TTC23L: variants seen among roughly 807,000 people sequenced by gnomAD.
TTC23L encodes tetratricopeptide repeat domain 23 like, also known as tetratricopeptide repeat protein 23-like.
In TTC23L, 42 loss-of-function variants were observed where a neutral mutation model predicts 48.1. The ratio of observed to expected loss-of-function variants is 0.87; its 90% CI spans 0.68 to 1.13. The LOEUF is 1.13. TTC23L is among the 50% of genes most tolerant of loss of function. The probability of loss-of-function intolerance (pLI) is 0.00; values close to 1 mark genes in which losing one functional copy is unlikely to be tolerated. For missense variants in TTC23L, 391 were observed against 421.0 expected, an observed-to-expected ratio of 0.93 and a Z score of 0.62; for synonymous variants, 159 against 157.2, an observed-to-expected ratio of 1.01 and a Z score of -0.09.
At chr5:34,891,643 G>C (rs947876084) in intron 9 of TTC23L, among the ~76,000 whole-genome samples, 27 of 152,132 alleles carry the variant, frequency 1.8e-4, no homozygotes, top group African/African-American at 6.5e-4. Flanking sequence ...TAATAATAAT[G>C]AAACTAAAAG....
At chr5:34,893,310 AG>A (rs1431782829) in intron 9 of TTC23L, among the ~76,000 whole-genome samples, 4 of 152,202 alleles carry the variant, frequency 2.6e-5, no homozygotes, top group African/African-American at 9.6e-5. Flanking sequence ...AGGGCGCCTG[AG>A]GGAAGATGGT....
chr5:34,863,024 C>T lies in TTC23L; in HGVS notation c.506C>T (p.Thr169Ile). The T allele has an allele frequency of 1.9e-6, 3 of 1,614,000 alleles. No homozygotes were observed. Among genetic ancestry groups the T allele is most frequent in the Non-Finnish European group, 2.5e-6 (3 of 1,179,886 alleles). ...GAAGCTCTGGTCAAGCTGTACTACACTCTGGGCGTGGCCTGGCTCCTGCAG... is the reference window on the plus strand; with the variant it reads ...GAAGCTCTGGTCAAGCTGTACTACATTCTGGGCGTGGCCTGGCTCCTGCAG... The change falls in exon 5 of 11, where the codon ACT becomes ATT. Residue 169 changes from threonine (T) to isoleucine (I), a missense_variant. Coordinates refer to ENST00000505624, the Ensembl canonical transcript of TTC23L. The surrounding 1 kb of genome is among the most constrained non-coding windows in gnomAD (Gnocchi z 4.1).
chr5:34,869,191 A>ATT (rs1248829806), intron 8 of TTC23L, 178 bp downstream of exon 8: 1 of 528,738 alleles, frequency 1.9e-6, no homozygotes, highest in African/African-American at 1.9e-5. Flanking sequence ...ATACCCCCAC[A>ATT]TTCGTTGGAA....
At chr5:34,870,509 C>T (rs942674555) in intron 8 of TTC23L, among the ~76,000 whole-genome samples, 5 of 152,100 alleles carry the variant, frequency 3.3e-5, no homozygotes, top group East Asian at 1.9e-4. Flanking sequence ...ATGATTTCAC[C>T]GGGGAATTCT....
intron 8 of TTC23L, among the ~76,000 whole-genome samples, chr5:34,878,318 CAGTG>C (rs984863890): frequency 2.6e-5 from 4 of 151,928 alleles, no homozygotes; most frequent in African/African-American, 9.7e-5. Context: ...CTGGGCAACA[CAGTG>C]AGACCCATCT....
intron 2 of TTC23L, among the ~76,000 whole-genome samples, chr5:34,842,936 A>T (rs920360693): frequency 2.0e-5 from 3 of 151,970 alleles, no homozygotes; most frequent in African/African-American, 7.2e-5. Flanking sequence ...AGCCATTCTC[A>T]TGCCTCAGCC....
At chr5:34,859,909 T>C (rs1391156628) in intron 4 of TTC23L, among the ~76,000 whole-genome samples, 1 of 145,784 alleles carries the variant, frequency 6.9e-6, no homozygotes, top group Non-Finnish European at 1.5e-5. Context: ...AGTAGCGTGA[T>C]CTCGGCTCAC....
chr5:34,845,291 C>T (rs1759016048), intron 2 of TTC23L, among the ~76,000 whole-genome samples, 196 bp from the exon 3 acceptor site: 1 of 152,210 alleles, frequency 6.6e-6, no homozygotes, highest in African/African-American at 2.4e-5. Flanking sequence ...AAATCGGCTT[C>T]TTCTGAACTA....
intron 4 of TTC23L, among the ~76,000 whole-genome samples, chr5:34,855,588 A>G (rs1012275572): frequency 1.3e-5 from 2 of 152,234 alleles, no homozygotes; most frequent in African/African-American, 2.4e-5. Flanking sequence ...GGACAAGATT[A>G]TTCTTTGCAG....
At chr5:34,852,614 G>C (rs969724364) in intron 4 of TTC23L, among the ~76,000 whole-genome samples, 23 of 152,134 alleles carry the variant, frequency 1.5e-4, no homozygotes, top group African/African-American at 5.6e-4. Flanking sequence ...CTAAAATGTA[G>C]AATGGGTGAC....
rs189299382 is a variant in TTC23L at position 34,850,093 on chromosome 5, A to G, written c.256-92A>G. 2.3e-4 allele frequency: 319 copies of G among 1,392,248 alleles called. No individual in the cohort carries two copies. The African/African-American group carries it at 3.7e-3, about 16-fold the overall frequency. 86.2% of individuals were successfully genotyped at this position (1,392,248 alleles called of 1,614,324 possible). A position where few individuals can be genotyped will look rare whatever the true frequency, so the allele number is the denominator to read the frequency against. On this transcript the variant is annotated intron_variant, in intron 3 of 10. Coordinates refer to ENST00000505624, the Ensembl canonical transcript of TTC23L. ...GGAAAGAGAAGAGAAAAAAGATGAC[A>G]GGTGAATTCAGTCCTGTGTTCCAGT...
downstream of TTC23L, among the ~76,000 whole-genome samples, chr5:34,901,589 CCT>C (rs1336618159): frequency 6.6e-6 from 1 of 152,002 alleles, no homozygotes; most frequent in Non-Finnish European, 1.5e-5. Flanking sequence ...ATGGAGAAAC[CCT>C]GTCTCTACTA....
Position 34,862,906 on chromosome 5 carries a change from G to T in TTC23L, c.388G>T (p.Val130Phe), listed in dbSNP as rs117051837. 9.3e-5 allele frequency: 150 copies of T among 1,613,882 alleles called. No homozygotes were observed. In the East Asian group the frequency reaches 2.6e-3, roughly 28 times the overall value. ...CCCTCTAACTCCCCCAGGCCTCCCA[G>T]TTCAGGCCAAGAAACATGCTACATC... Residue 130 changes from valine (V) to phenylalanine (F), a missense_variant, in exon 5 of 11, where the codon GTT becomes TTT. Physicochemically the swap from Val to Phe is conservative, Grantham distance 50. Coordinates refer to ENST00000505624, the Ensembl canonical transcript of TTC23L.
chr5:34,911,210 C>A, the TTC23L span, among the ~76,000 whole-genome samples: 2 of 152,262 alleles, frequency 1.3e-5, no homozygotes, highest in Non-Finnish European at 2.9e-5. Flanking sequence ...AAAAAGATAC[C>A]ATAATACAAA....
intron 2 of TTC23L, 105 bp from the exon 3 acceptor site, chr5:34,845,382 A>G: frequency 8.4e-7 from 1 of 1,193,440 alleles, no homozygotes; most frequent in Non-Finnish European, 1.2e-6. Flanking sequence ...TTATGTTAGA[A>G]ATCATGTCCC....
chr5:34,896,776 T>C, exon 10 of TTC23L: 1 of 768,070 alleles, frequency 1.3e-6, no homozygotes, highest in Non-Finnish European at 2.4e-6. Context: ...AAAGGACAAG[T>C]AGCAGTTCAT....
At chr5:34,857,488 C>T (rs142422852) in intron 4 of TTC23L, among the ~76,000 whole-genome samples, 5 of 152,206 alleles carry the variant, frequency 3.3e-5, no homozygotes, top group African/African-American at 2.4e-5. Context: ...TGATAAAAAC[C>T]GGGTAATCTG....
At chr5:34,912,762 G>C in the TTC23L span, among the ~76,000 whole-genome samples, 2 of 152,166 alleles carry the variant, frequency 1.3e-5, no homozygotes, top group African/African-American at 4.8e-5. Context: ...AACTTAGAGA[G>C]ACTGAGGCGG....
intron 2 of TTC23L, among the ~76,000 whole-genome samples, chr5:34,844,469 C>T (rs567271232): frequency 7.9e-5 from 11 of 139,182 alleles, no homozygotes; most frequent in Non-Finnish European, 1.5e-4. Flanking sequence ...AAAGGTTACA[C>T]TTGGCAGTTA....
Sources: gnomAD v4.1 joint callset for allele counts (sites outside exome capture counted in the v4.1 genomes callset) on GRCh38, gnomAD v4.1.1 for gene constraint, Gnocchi (gnomAD v3.1) non-coding constraint, MANE v1.5 for transcripts, NCBI Gene and HGNC (gene_info 2026-07-23, HGNC 2026-07-21) for gene names.